The following DEFB134 variants were observed in gnomAD, a reference collection of about 807,000 sequenced individuals.
The protein encoded by DEFB134 is beta-defensin 134.
In DEFB134, 7 loss-of-function variants were observed where a neutral mutation model predicts 7.4. The ratio of observed to expected loss-of-function variants is 0.95; its 90% CI spans 0.54 to 1.79. The LOEUF (loss-of-function observed/expected upper bound fraction) is 1.79. Among genes scored for constraint, DEFB134 ranks in the 40% most tolerant of loss-of-function variants. DEFB134 has a pLI of 0.00. For synonymous variants in DEFB134, 33 were observed against 25.0 expected (o/e 1.32, Z -0.96); for missense variants, 105 against 74.8 (o/e 1.40, Z -1.49).
upstream of DEFB134, chr8:11,999,530 T>C (rs1218316633): frequency 6.6e-6 from 1 of 152,262 alleles, no homozygotes; most frequent in Non-Finnish European, 1.5e-5. Flanking sequence ...CAAATTCTTT[T>C]CCCCAGAACG....
chr8:11,997,938 G>A (rs1800169313), upstream of DEFB134, among the ~76,000 whole-genome samples: 1 of 152,078 alleles, frequency 6.6e-6, no homozygotes, highest in Non-Finnish European at 1.5e-5. Context: ...TCTGTACATG[G>A]CACATACTCT....
chr8:11,995,526 T>C (rs1800095672), intron 1 of DEFB134, among the ~76,000 whole-genome samples: 1 of 152,166 alleles, frequency 6.6e-6, no homozygotes, highest in Admixed American at 6.5e-5. Flanking sequence ...CCACTCACAC[T>C]CTCTGTCATG....
Position 11,994,038 on chromosome 8 carries a change from A to T in DEFB134, c.143T>A (p.Leu48Ter). Reference sequence around the variant, plus strand: ...CAGCTGAAACATACAGTAGGCAACTAACATTTCACTCTCATAGCATTCAAG... The same window carrying T: ...CAGCTGAAACATACAGTAGGCAACTTACATTTCACTCTCATAGCATTCAAG... Residue 48 changes from leucine (L) to a stop codon, truncating the protein, a stop_gained, in exon 2 of 2, where the codon TTA becomes TAA. Coordinates refer to ENST00000526438, the Ensembl canonical transcript of DEFB134. LOFTEE classifies it high-confidence loss of function. The T allele has an allele frequency of 6.2e-7, 1 of 1,614,016 alleles. No individual in the cohort carries two copies. The highest frequency in any genetic ancestry group is 8.5e-7 in the Non-Finnish European group (1 of 1,179,974).
chr8:11,993,653 G>A (rs1800037689), exon 2 of DEFB134: 2 of 211,644 alleles, frequency 9.4e-6, no homozygotes, highest in Non-Finnish European at 1.9e-5. Flanking sequence ...GGTGTCAAAA[G>A]TTGTTTCCCT....
chr8:11,996,122 T>C, intron 1 of DEFB134, 72 bp downstream of exon 2: 2 of 1,571,782 alleles, frequency 1.3e-6, no homozygotes, highest in Non-Finnish European at 1.7e-6. Flanking sequence ...GTGGTGTATG[T>C]TTATTGGGTT....
upstream of DEFB134, among the ~76,000 whole-genome samples, chr8:12,000,474 G>C (rs1244459153): frequency 6.6e-6 from 1 of 152,096 alleles, no homozygotes; most frequent in Non-Finnish European, 1.5e-5. Context: ...TATTCATGGG[G>C]CTATGTTCCA....
At chr8:11,993,903 A>G in exon 2 of DEFB134, 2 of 1,555,264 alleles carry the variant, frequency 1.3e-6, no homozygotes, top group Non-Finnish European at 1.7e-6. Context: ...TCACAGTTTG[A>G]TCTAAATTCC....
chr8:11,994,942 C>A (rs1252458210), intron 1 of DEFB134, among the ~76,000 whole-genome samples: 1 of 152,112 alleles, frequency 6.6e-6, no homozygotes, highest in Non-Finnish European at 1.5e-5. Context: ...AGGATGAAAT[C>A]AATTCTGAAG....
At chr8:11,995,089 C>A (rs1252327488) in intron 1 of DEFB134, among the ~76,000 whole-genome samples, 2 of 152,270 alleles carry the variant, frequency 1.3e-5, no homozygotes, top group African/African-American at 2.4e-5. Context: ...GTTTGCAAGA[C>A]AGAAGCCCTA....
chr8:11,993,323 C>T (rs1370905352), exon 2 of DEFB134: 1 of 152,242 alleles, frequency 6.6e-6, no homozygotes, highest in Non-Finnish European at 1.5e-5. Flanking sequence ...CAACACTAAA[C>T]CACAGGACGG....
chr8:11,994,816 A>G (rs183136630), intron 1 of DEFB134, among the ~76,000 whole-genome samples: 2 of 152,330 alleles, frequency 1.3e-5, no homozygotes, highest in Non-Finnish European at 2.9e-5. Flanking sequence ...CTTAACCTCA[A>G]TGAATTTTCA....
rs1041020908 is a variant in DEFB134 at position 11,996,169 on chromosome 8, A to AC, written c.58+24dup. ...TTGTTCTTCTATATGAAGCACCCCT[A>AC]CCCCCCAAAATATGCCAGTTTTACC... On this transcript the variant is annotated intron_variant, in intron 1 of 1. Coordinates refer to ENST00000526438, the Ensembl canonical transcript of DEFB134. 6 of 1,612,826 alleles carry AC rather than the reference A, an allele frequency of 3.7e-6. No homozygotes were observed. The African/African-American group carries it at 6.7e-5, about 18-fold the overall frequency.
upstream of DEFB134, chr8:11,999,336 G>A (rs999873561): frequency 1.4e-5 from 3 of 222,026 alleles, no homozygotes; most frequent in East Asian, 3.2e-4. Flanking sequence ...ACCTCAGAGA[G>A]GACATGCTCA....
At chr8:11,994,024 T>C (rs1426393829) in exon 2 of DEFB134, 5 of 1,613,950 alleles carry the variant, frequency 3.1e-6, no homozygotes, top group Admixed American at 3.3e-5. Context: ...AGCTGAAACA[T>C]ACAGTAGGCA....
upstream of DEFB134, among the ~76,000 whole-genome samples, chr8:11,996,951 A>C (rs564326600): frequency 2.6e-5 from 4 of 152,334 alleles, no homozygotes; most frequent in East Asian, 3.9e-4. Flanking sequence ...TCAAACAGTA[A>C]AGTGTACAAT....
upstream of DEFB134, chr8:11,999,216 T>C: frequency 9.7e-6 from 2 of 205,208 alleles, no homozygotes; most frequent in Middle Eastern, 1.1e-3. Context: ...CGTGGGTTCA[T>C]GAAAAGCAGG....
intron 1 of DEFB134, among the ~76,000 whole-genome samples, chr8:11,995,827 C>G (rs1394245182): frequency 6.6e-6 from 1 of 152,030 alleles, no homozygotes; most frequent in African/African-American, 2.4e-5. Context: ...TCTCATGAGC[C>G]AGGTACTTTT....
upstream of DEFB134, among the ~76,000 whole-genome samples, chr8:12,000,281 G>A (rs1486065461): frequency 6.6e-6 from 1 of 151,600 alleles, no homozygotes; most frequent in African/African-American, 2.4e-5. Context: ...TCAATTATTT[G>A]TGTCTCTGAT....
At chr8:11,998,797 A>G (rs1352667823), upstream of DEFB134, among the ~76,000 whole-genome samples, 2 of 152,208 alleles carry the variant, frequency 1.3e-5, no homozygotes, top group Admixed American at 1.3e-4. Flanking sequence ...TTAGACTGCT[A>G]GCTAGACTAA....
Sources: gnomAD v4.1 joint callset for allele counts (sites outside exome capture counted in the v4.1 genomes callset) on GRCh38, gnomAD v4.1.1 for gene constraint, MANE v1.5 for transcripts, NCBI Gene and HGNC (gene_info 2026-07-23, HGNC 2026-07-21) for gene names.